TG: variants seen among roughly 807,000 people sequenced by gnomAD.
TG encodes thyroid hormones.
Under a neutral mutation model 324.7 loss-of-function variants are expected in TG, and 270 were observed. The observed-to-expected ratio is 0.83, with a 90% confidence interval of 0.75 to 0.92. TG has a LOEUF of 0.92. Among genes scored for constraint, TG ranks in the 40% least tolerant of loss-of-function variants. The probability of loss-of-function intolerance (pLI) is 0.00; values close to 1 mark genes in which losing one functional copy is unlikely to be tolerated. For missense variants in TG, 3,591 were observed against 3,456.4 expected, an observed-to-expected ratio of 1.04 and a Z score of -0.98; for synonymous variants, 1,401 against 1,327.0, an observed-to-expected ratio of 1.06 and a Z score of -1.21.
intron 34 of TG, among the ~76,000 whole-genome samples, chr8:132,973,128 A>T (rs1354901236): frequency 1.3e-5 from 2 of 152,216 alleles, no homozygotes; most frequent in Non-Finnish European, 2.9e-5. Context: ...ACGCTGCCAG[A>T]GGGAGAGTGG....
chr8:133,010,855 C>T (rs563376548), intron 35 of TG, among the ~76,000 whole-genome samples: 18 of 152,286 alleles, frequency 1.2e-4, no homozygotes, highest in African/African-American at 2.4e-4. Context: ...CCACGTCCTA[C>T]GTACAGGACT....
In TG at chr8:133,013,765, G is replaced by A; in HGVS notation, c.6562+1G>A. 6.2e-7 allele frequency: 1 copy of A among 1,608,838 alleles called. No homozygotes were observed. Among genetic ancestry groups the A allele is most frequent in the Admixed American group, 1.7e-5 (1 of 59,976 alleles). On this transcript the variant is annotated splice_donor_variant, in intron 37 of 47. Transcript: ENST00000220616. LOFTEE classifies it high-confidence loss of function. The stretch of plus-strand genomic sequence containing the variant: ...GCCACCCACATCTACCGGAAGCCAG[G>A]TAAGCCCAAGCCTATGCCTTTGCAG...
At chr8:132,904,856 C>T (rs1485181329) in intron 16 of TG, among the ~76,000 whole-genome samples, 1 of 152,152 alleles carries the variant, frequency 6.6e-6, no homozygotes, top group African/African-American at 2.4e-5. Context: ...TCATTGACAC[C>T]CCACTTCTTA....
intron 20 of TG, among the ~76,000 whole-genome samples, chr8:132,915,186 G>T (rs1297433873): frequency 6.6e-6 from 1 of 152,176 alleles, no homozygotes; most frequent in Non-Finnish European, 1.5e-5. Flanking sequence ...TACCACATGG[G>T]TCTGGAAGCA....
At chr8:132,909,777 G>A (rs558820389) in intron 18 of TG, among the ~76,000 whole-genome samples, 8 of 152,270 alleles carry the variant, frequency 5.3e-5, no homozygotes, top group Middle Eastern at 3.4e-3. Flanking sequence ...GTGAGATAAC[G>A]TACAAATCCA....
intron 14 of TG, among the ~76,000 whole-genome samples, 188 bp from the exon 15 acceptor site, chr8:132,900,049 C>T (rs1270822238): frequency 6.6e-6 from 1 of 152,190 alleles, no homozygotes; most frequent in South Asian, 2.1e-4. Context: ...GCTGTTGTAG[C>T]CGTCAATCAA....
intron 35 of TG, among the ~76,000 whole-genome samples, chr8:132,992,613 G>A (rs1832476107): frequency 6.6e-6 from 1 of 152,206 alleles, no homozygotes; most frequent in Non-Finnish European, 1.5e-5. Flanking sequence ...ACACTGTGGA[G>A]GGTGCTGTGG....
intron 41 of TG, among the ~76,000 whole-genome samples, chr8:133,065,593 C>T (rs1475466537): frequency 6.6e-6 from 1 of 152,086 alleles, no homozygotes; most frequent in African/African-American, 2.4e-5. Flanking sequence ...GGAACCCCGT[C>T]TCTACTAAAA....
chr8:133,015,663 T>C (rs531548948), intron 37 of TG, among the ~76,000 whole-genome samples: 3 of 152,348 alleles, frequency 2.0e-5, no homozygotes, highest in Non-Finnish European at 2.9e-5. Flanking sequence ...GTATACAAAA[T>C]GTGGCTGTTT....
chr8:132,883,099 C>T, intron 8 of TG, 100 bp downstream of exon 8: 1 of 1,326,868 alleles, frequency 7.5e-7, no homozygotes, highest in Non-Finnish European at 1.0e-6. Context: ...CAACTGCCTT[C>T]TAGTGTGCCC....
intron 41 of TG, among the ~76,000 whole-genome samples, chr8:133,033,737 C>A (rs1836840386): frequency 6.6e-6 from 1 of 152,232 alleles, no homozygotes; most frequent in Non-Finnish European, 1.5e-5. Context: ...CAGGGCTCAG[C>A]TGAAATGAAG....
rs540543272 is a variant in TG at position 133,078,904 on chromosome 8, A to G, written c.7240-16140A>G. Among the ~76,000 whole-genome samples the G allele has an allele frequency of 1.7e-4, 26 of 152,304 alleles. 1 individual carries two copies. The highest frequency in any genetic ancestry group is 1.0e-3 in the South Asian group (5 of 4,824). ...GAGTTTCTGATCTAGCAGAGGAGAC[A>G]GACACACATATCAAAACCCCAGGGT... On this transcript the variant is annotated intron_variant, in intron 41 of 47. Coordinates refer to ENST00000220616, the MANE Select transcript of TG (RefSeq NM_003235.5).
intron 35 of TG, among the ~76,000 whole-genome samples, chr8:133,005,676 TG>T (rs1833958510): frequency 6.6e-6 from 1 of 152,208 alleles, no homozygotes; most frequent in African/African-American, 2.4e-5. Flanking sequence ...GCTGCTTTAC[TG>T]TGTCCCATTT....
chr8:133,052,311 T>G lies in TG; in HGVS notation c.7239+22288T>G, dbSNP rs374663119. ...AAGTAATCACGGTGGAACAGTGCAG[T>G]CAAATGTATTGTTCATTTGGGGAAG... On this transcript the variant is annotated intron_variant, in intron 41 of 47. Coordinates refer to ENST00000220616, the MANE Select transcript of TG (RefSeq NM_003235.5). Among the ~76,000 whole-genome samples, 14 of 152,338 alleles carry G rather than the reference T, an allele frequency of 9.2e-5. No individual in the cohort carries two copies. In the East Asian group the frequency reaches 1.9e-3, roughly 21 times the overall value.
In TG at chr8:132,923,417, G is replaced by A. The variant is rs753497510; in HGVS notation, c.4608G>A (p.Arg1536=). 2.5e-6 allele frequency: 4 copies of A among 1,614,154 alleles called. No homozygotes were observed. In the Admixed American group the frequency reaches 6.7e-5, roughly 27 times the overall value. Reference sequence around the variant, plus strand: ...AGTATCGAGCCAGCCAGAAGGACAGGGGCAGTGGGAAGGCCTTCTGTGTGG... The same window carrying A: ...AGTATCGAGCCAGCCAGAAGGACAGAGGCAGTGGGAAGGCCTTCTGTGTGG... ...NGQYRASQKD[R]GSGKAFCVDG... Residue 1536 remains arginine (R), a synonymous_variant, in exon 22 of 48, where the codon AGG becomes AGA. Transcript: ENST00000220616.
intron 41 of TG, chr8:133,038,330 C>G: frequency 1.7e-6 from 1 of 603,884 alleles, no homozygotes; most frequent in Non-Finnish European, 2.9e-6. Context: ...CAGCCCTGAT[C>G]AGACACCAGG....
At position 132,919,526 on chromosome 8, in the gene TG, G is replaced by GT; in HGVS notation, c.4528+2dup. On this transcript the variant is annotated splice_donor_variant, in intron 21 of 47. Transcript: ENST00000220616. LOFTEE classifies it high-confidence loss of function. ...GCTGGAGCTTTCAGCCAGACTCACT[G>GT]TAAGTTCTGTGGAGTGCTTCTTTGA... is the stretch of plus-strand genomic sequence containing the variant. 1 of 1,613,804 alleles carries GT rather than the reference G, an allele frequency of 6.2e-7. No homozygotes were observed. The highest frequency in any genetic ancestry group is 8.5e-7 in the Non-Finnish European group (1 of 1,179,862).
In TG at chr8:133,017,761, C is replaced by T. The variant is rs1835174100; in HGVS notation, c.6563-17C>T. 1 of 1,613,346 alleles carries T rather than the reference C, an allele frequency of 6.2e-7. No homozygotes were observed. Among genetic ancestry groups the T allele is most frequent in the Non-Finnish European group, 8.5e-7 (1 of 1,179,334 alleles). ...CCTCTCCCCTTCCTCACCCCTTTCT[C>T]TTCCCTTTCCCAACAGGAATCTCTC... On this transcript the variant is annotated splice_polypyrimidine_tract_variant and intron_variant, in intron 37 of 47. Coordinates refer to ENST00000220616, the MANE Select transcript of TG (RefSeq NM_003235.5).
intron 26 of TG, among the ~76,000 whole-genome samples, chr8:132,944,179 G>T (rs1001742150): frequency 2.1e-4 from 32 of 152,220 alleles, no homozygotes; most frequent in African/African-American, 7.7e-4. Flanking sequence ...CTTCTGTGAA[G>T]CTGTCACTCC....
Sources: gnomAD v4.1 joint callset for allele counts (sites outside exome capture counted in the v4.1 genomes callset) on GRCh38, gnomAD v4.1.1 for gene constraint, MANE v1.5 for transcripts, NCBI Gene and HGNC (gene_info 2026-07-23, HGNC 2026-07-21) for gene names.